Variants in CHD2 observed in about 807,000 individuals in gnomAD.
CHD2 encodes the protein chromodomain helicase DNA binding protein 2.
In CHD2, 28 loss-of-function variants were observed where a neutral mutation model predicts 243.9. The ratio of observed to expected loss-of-function variants is 0.11; its 90% CI spans 0.09 to 0.16. The LOEUF is 0.16. CHD2 is among the 10% of genes least tolerant of loss of function. CHD2 has a pLI of 1.00. For missense variants in CHD2, 1,386 were observed against 2,209.8 expected, an observed-to-expected ratio of 0.63 and a Z score of 7.47; for synonymous variants, 775 against 779.0, an observed-to-expected ratio of 0.99 and a Z score of 0.09.
At chr15:92,943,399 C>T in intron 9 of CHD2, 1 of 290,266 alleles carries the variant, frequency 3.4e-6, no homozygotes, top group South Asian at 3.5e-5. Flanking sequence ...CAAGTGGACT[C>T]AGGTTTTGAA....
chr15:93,020,577 T>C (rs2054522535), intron 38 of CHD2: 4 of 533,348 alleles, frequency 7.5e-6, no homozygotes, highest in Non-Finnish European at 1.3e-5. Flanking sequence ...CCACACTAGG[T>C]ATCAGGGATC....
At chr15:92,917,724 C>G (rs546830426) in intron 2 of CHD2, among the ~76,000 whole-genome samples, 3 of 152,274 alleles carry the variant, frequency 2.0e-5, no homozygotes, top group African/African-American at 7.2e-5. Flanking sequence ...GCAGTGATAC[C>G]TAACGCTGAT....
At chr15:92,915,376 G>A (rs899304476) in intron 2 of CHD2, among the ~76,000 whole-genome samples, 2 of 151,912 alleles carry the variant, frequency 1.3e-5, no homozygotes, top group Non-Finnish European at 2.9e-5. Context: ...CCGGGTTCAC[G>A]CCATTCTGCT....
chr15:92,904,603 G>T, intron 2 of CHD2: 3 of 1,146,988 alleles, frequency 2.6e-6, no homozygotes, highest in Non-Finnish European at 3.2e-6. Flanking sequence ...GCACCCTGTA[G>T]TGTGTTCTTT....
At chr15:93,014,995 G>C (rs772269900) in intron 37 of CHD2, 86 bp downstream of exon 37, 35 of 1,041,770 alleles carry the variant, frequency 3.4e-5, no homozygotes, top group Non-Finnish European at 4.7e-5. Flanking sequence ...ACACTGGCTA[G>C]ACTTCTGTGC....
intron 2 of CHD2, among the ~76,000 whole-genome samples, chr15:92,917,173 C>T (rs1355300020): frequency 3.9e-5 from 6 of 152,138 alleles, no homozygotes; most frequent in Non-Finnish European, 8.8e-5. Flanking sequence ...TGTCTTTTAA[C>T]CTTGTTTATA....
At chr15:92,955,605 T>A (rs747694005) in intron 15 of CHD2, 93 bp downstream of exon 15, 3 of 722,668 alleles carry the variant, frequency 4.2e-6, no homozygotes, top group African/African-American at 1.9e-5. Context: ...ATGTTAGAAA[T>A]AAATACTTGA....
Position 93,007,534 on chromosome 15 carries a change from G to A in CHD2, c.4414-1611G>A, listed in dbSNP as rs141542318. ...AGAAAAATCCACAAATAATAAGTATGTAGCTGTGGAAATGACCACAAAGTG... is the reference window on the plus strand; with the variant it reads ...AGAAAAATCCACAAATAATAAGTATATAGCTGTGGAAATGACCACAAAGTG... On this transcript the variant is annotated intron_variant, in intron 34 of 38. Coordinates refer to ENST00000394196, the MANE Select transcript of CHD2 (RefSeq NM_001271.4). 1.1e-3 allele frequency among the ~76,000 whole-genome samples: 161 copies of A among 152,264 alleles called. 1 individual carries two copies. The highest frequency in any genetic ancestry group is 3.7e-3 in the African/African-American group (153 of 41,546).
At chr15:93,021,441 A>G (rs1298005339) in intron 38 of CHD2, 3 of 152,152 alleles carry the variant, frequency 2.0e-5, no homozygotes, top group Non-Finnish European at 2.9e-5. Flanking sequence ...AATCTTCTTC[A>G]AATATTTTTT....
chr15:93,013,321 G>A (rs1314835266), intron 36 of CHD2, among the ~76,000 whole-genome samples: 3 of 152,124 alleles, frequency 2.0e-5, no homozygotes, highest in Non-Finnish European at 2.9e-5. Flanking sequence ...GCCCCAGGAG[G>A]GAATGAAATA....
intron 2 of CHD2, among the ~76,000 whole-genome samples, chr15:92,923,392 C>G (rs2052996446): frequency 6.6e-6 from 1 of 151,946 alleles, no homozygotes; most frequent in Non-Finnish European, 1.5e-5. Flanking sequence ...TCCCGAGTAG[C>G]TGGGATCGCA....
At chr15:92,993,777 C>T (rs1250608061) in intron 28 of CHD2, among the ~76,000 whole-genome samples, 1 of 152,048 alleles carries the variant, frequency 6.6e-6, no homozygotes, top group Admixed American at 6.6e-5. Context: ...GAGACCTTGT[C>T]TCTACAAACA....
Position 93,027,824 on chromosome 15 carries a change from A to G in CHD2, c.*3119A>G, listed in dbSNP as rs2054598218. ...TTTATTGTAAAATTGTGGACTTTTA[A>G]AACCTGTTGACTAAACAGTAATTAA... On this transcript the variant is annotated 3_prime_UTR_variant, in exon 39 of 39. Transcript: ENST00000394196. 1 of 152,624 alleles carries G rather than the reference A, an allele frequency of 6.6e-6. No individual in the cohort carries two copies. Among genetic ancestry groups the G allele is most frequent in the South Asian group, 2.1e-4 (1 of 4,828 alleles). The allele number at this position is 152,624 out of a possible 1,614,324, so 9.5% of individuals were successfully genotyped here. A position where few individuals can be genotyped will look rare whatever the true frequency, so the allele number is the denominator to read the frequency against.
intron 15 of CHD2, among the ~76,000 whole-genome samples, chr15:92,956,075 C>T (rs1399065656): frequency 6.6e-6 from 1 of 152,080 alleles, no homozygotes; most frequent in Non-Finnish European, 1.5e-5. Flanking sequence ...TTTGGTGGCT[C>T]TTGGTGTTTG....
chr15:92,984,545 G>C, intron 25 of CHD2, 45 bp downstream of exon 25: 1 of 1,536,624 alleles, frequency 6.5e-7, no homozygotes, highest in South Asian at 1.3e-5. Context: ...CTTATGTTGT[G>C]AATGCTACAG....
chr15:92,916,804 G>T (rs1419955659), intron 2 of CHD2, among the ~76,000 whole-genome samples: 1 of 152,090 alleles, frequency 6.6e-6, no homozygotes, highest in Admixed American at 6.5e-5. Flanking sequence ...TGACCACCTC[G>T]GCCTCCCAAA....
chr15:92,975,798 G>A (rs970385479), intron 20 of CHD2, among the ~76,000 whole-genome samples: 2 of 152,064 alleles, frequency 1.3e-5, no homozygotes, highest in African/African-American at 4.8e-5. Flanking sequence ...AGTTAGACTA[G>A]TATTCTGGCT....
intron 35 of CHD2, among the ~76,000 whole-genome samples, chr15:93,011,084 T>A (rs1412592882): frequency 6.6e-6 from 1 of 152,180 alleles, no homozygotes; most frequent in Non-Finnish European, 1.5e-5. Flanking sequence ...TTTTTTTTTT[T>A]TCTTCTTTTT....
Position 92,939,729 on chromosome 15 carries a change from C to T in CHD2, c.692+11C>T, listed in dbSNP as rs779715131. 6.2e-7 allele frequency: 1 copy of T among 1,611,204 alleles called. No individual in the cohort carries two copies. Among genetic ancestry groups the T allele is most frequent in the Non-Finnish European group, 8.5e-7 (1 of 1,179,326 alleles). The stretch of plus-strand genomic sequence containing the variant: ...GGCTAAAAACGTTAGGTAAGTTGTA[C>T]CCCAGAAGTGTTTCACTGGTGTGAT... On this transcript the variant is annotated intron_variant, in intron 7 of 38. Transcript: ENST00000394196.
Sources: allele counts gnomAD v4.1 joint callset (sites outside exome capture counted in the v4.1 genomes callset), GRCh38; gene constraint gnomAD v4.1.1; transcripts MANE v1.5; gene names NCBI Gene and HGNC (gene_info 2026-07-23, HGNC 2026-07-21).